ATRN: variants seen among roughly 807,000 people sequenced by gnomAD.
The protein encoded by ATRN is attractin-2.
A neutral mutation model predicts 178.7 loss-of-function variants in ATRN; 54 were observed. The ratio of observed to expected loss-of-function variants is 0.30; its 90% CI spans 0.24 to 0.38. ATRN has a LOEUF of 0.38. Ranked by LOEUF, ATRN falls within the 10% of genes least tolerant of loss-of-function variation. ATRN has a pLI of 1.00. For missense variants in ATRN, 1,443 were observed against 1,815.1 expected (o/e 0.79, Z 3.73); for synonymous variants, 636 against 663.0 (o/e 0.96, Z 0.63).
At chr20:3,548,849 T>C (rs114328088) in intron 5 of ATRN, among the ~76,000 whole-genome samples, 186 of 152,280 alleles carry the variant, frequency 1.2e-3, no homozygotes, top group African/African-American at 3.3e-3. Context: ...GGGATAACTG[T>C]ATATTTTATC....
At chr20:3,534,707 G>T (rs1017030810) in intron 1 of ATRN, among the ~76,000 whole-genome samples, 1 of 152,172 alleles carries the variant, frequency 6.6e-6, no homozygotes, top group African/African-American at 2.4e-5. Flanking sequence ...CAGTGCTCAT[G>T]CCTGTAAACC....
intron 1 of ATRN, among the ~76,000 whole-genome samples, chr20:3,472,890 A>G (rs2084452586): frequency 6.6e-6 from 1 of 152,260 alleles, no homozygotes; most frequent in Non-Finnish European, 1.5e-5. Context: ...GCTGCTGCCT[A>G]TGTGGAAGAG....
At chr20:3,549,716 G>A (rs1034923322) in intron 6 of ATRN, among the ~76,000 whole-genome samples, 4 of 152,150 alleles carry the variant, frequency 2.6e-5, no homozygotes, top group African/African-American at 9.7e-5. Flanking sequence ...TATGTCCCAG[G>A]CTTCAAGGTC....
At chr20:3,523,564 GA>G (rs1251170915) in intron 1 of ATRN, among the ~76,000 whole-genome samples, 1 of 152,042 alleles carries the variant, frequency 6.6e-6, no homozygotes, top group Admixed American at 6.6e-5. Flanking sequence ...GAAATACAGA[GA>G]ACACCACAAA....
chr20:3,623,485 A>G (rs931836723), intron 24 of ATRN, among the ~76,000 whole-genome samples: 6 of 152,092 alleles, frequency 3.9e-5, no homozygotes, highest in African/African-American at 1.4e-4. Context: ...GTGGAAGTCT[A>G]TTTTCTGGCC....
At chr20:3,609,877 C>T (rs1310017909) in intron 24 of ATRN, among the ~76,000 whole-genome samples, 5 of 152,094 alleles carry the variant, frequency 3.3e-5, no homozygotes, top group African/African-American at 1.2e-4. Flanking sequence ...TTGAATGATT[C>T]CACTTAACAT....
intron 4 of ATRN, among the ~76,000 whole-genome samples, chr20:3,546,389 G>GT (rs559052230): frequency 0.065 from 7,405 of 113,416 alleles, 709 homozygotes; most frequent in East Asian, 0.28. Flanking sequence ...TAGTTCAACT[G>GT]TTTTTTTTTT....
chr20:3,481,969 C>T (rs970353656), intron 1 of ATRN, among the ~76,000 whole-genome samples: 4 of 151,674 alleles, frequency 2.6e-5, no homozygotes, highest in African/African-American at 4.8e-5. Flanking sequence ...TTAAGAGTCA[C>T]ATAAGTAACC....
chr20:3,608,495 A>G lies in ATRN; in HGVS notation c.3801+4233A>G, dbSNP rs2086710104. Among the ~76,000 whole-genome samples the G allele has an allele frequency of 2.6e-5, 4 of 152,240 alleles. No individual in the cohort carries two copies. The South Asian group carries it at 8.3e-4, about 32-fold the overall frequency. On this transcript the variant is annotated intron_variant, in intron 24 of 28. Transcript: ENST00000262919. ...TCCCTCACTGAATATTCTTGACTCCATTATTGAAAACCAGTTGGCCGTGAA... is the reference window on the plus strand; with the variant it reads ...TCCCTCACTGAATATTCTTGACTCCGTTATTGAAAACCAGTTGGCCGTGAA...
intron 11 of ATRN, among the ~76,000 whole-genome samples, chr20:3,568,984 C>T (rs1568735437): frequency 6.6e-6 from 1 of 152,102 alleles, no homozygotes; most frequent in Non-Finnish European, 1.5e-5. Flanking sequence ...ATAGTTGAAA[C>T]AAGAAGGGAG....
At chr20:3,495,998 A>G (rs1489949476) in intron 1 of ATRN, among the ~76,000 whole-genome samples, 1 of 152,172 alleles carries the variant, frequency 6.6e-6, no homozygotes, top group Non-Finnish European at 1.5e-5. Context: ...TGTGGATTAC[A>G]TTTAGAACCA....
chr20:3,578,472 A>G, intron 14 of ATRN, 110 bp from the exon 15 acceptor site: 2 of 963,756 alleles, frequency 2.1e-6, no homozygotes, highest in Non-Finnish European at 3.0e-6. Context: ...TGAAGTACCT[A>G]GAATTTAAAT....
chr20:3,628,946 C>T (rs2086967892), intron 25 of ATRN: 2 of 985,200 alleles, frequency 2.0e-6, no homozygotes, highest in African/African-American at 1.7e-5. Flanking sequence ...TGACTGGACT[C>T]TGCCTTCCCC....
At chr20:3,634,425 G>T (rs2087011197) in intron 26 of ATRN, 36 bp downstream of exon 26, 2 of 1,581,138 alleles carry the variant, frequency 1.3e-6, no homozygotes, top group Non-Finnish European at 1.7e-6. Context: ...AGAATCCCTG[G>T]AAGAGCTTTT....
chr20:3,498,215 A>G (rs1600034722), intron 1 of ATRN, among the ~76,000 whole-genome samples: 1 of 152,230 alleles, frequency 6.6e-6, no homozygotes, highest in Non-Finnish European at 1.5e-5. Context: ...AAAAGAGTCC[A>G]GGACCAGATG....
At chr20:3,532,776 T>G (rs1429585652) in intron 1 of ATRN, among the ~76,000 whole-genome samples, 1 of 151,954 alleles carries the variant, frequency 6.6e-6, no homozygotes, top group Admixed American at 6.6e-5. Flanking sequence ...ACTCTTTTTT[T>G]TTTTGAGACA....
chr20:3,569,711 G>T (rs777314550), intron 11 of ATRN, among the ~76,000 whole-genome samples: 11 of 152,200 alleles, frequency 7.2e-5, no homozygotes, highest in Non-Finnish European at 1.3e-4. Context: ...ACTATAATGA[G>T]GATTGGCTGT....
chr20:3,541,472 T>C (rs2085621442), intron 3 of ATRN, among the ~76,000 whole-genome samples: 1 of 151,980 alleles, frequency 6.6e-6, no homozygotes, highest in Non-Finnish European at 1.5e-5. Flanking sequence ...GTAAACATTA[T>C]AGGGTATATT....
intron 18 of ATRN, 41 bp downstream of exon 18, chr20:3,584,921 T>C (rs2146262315): frequency 1.3e-6 from 2 of 1,568,152 alleles, no homozygotes; most frequent in Non-Finnish European, 8.8e-7. Context: ...GTTTCACTAC[T>C]GATTTATGAA....
Sources: gnomAD v4.1 joint callset for allele counts (sites outside exome capture counted in the v4.1 genomes callset) on GRCh38, gnomAD v4.1.1 for gene constraint, MANE v1.5 for transcripts, NCBI Gene and HGNC (gene_info 2026-07-23, HGNC 2026-07-21) for gene names.